INTS2: variants seen among roughly 807,000 people sequenced by gnomAD.
INTS2 encodes integrator complex subunit 2, also known as KIAA1287.
A neutral mutation model predicts 139.6 loss-of-function variants in INTS2; 57 were observed. That is an observed-to-expected ratio of 0.41 (90% confidence interval 0.33 to 0.51). The LOEUF is 0.51. INTS2 is among the 20% of genes least tolerant of loss of function. The probability of loss-of-function intolerance (pLI) is 0.28; values close to 1 mark genes in which losing one functional copy is unlikely to be tolerated. For synonymous variants in INTS2, 473 were observed against 493.4 expected (o/e 0.96, Z 0.55); for missense variants, 1,196 against 1,436.7 (o/e 0.83, Z 2.71).
At chr17:61,921,876 T>A in intron 3 of INTS2, 49 bp from the exon 4 acceptor site, 1 of 926,830 alleles carries the variant, frequency 1.1e-6, no homozygotes, top group Non-Finnish European at 1.7e-6. Context: ...TTCAGATAAT[T>A]AAATCCCTAT....
At chr17:61,892,597 G>T (rs935496931) in intron 13 of INTS2, among the ~76,000 whole-genome samples, 5 of 152,050 alleles carry the variant, frequency 3.3e-5, no homozygotes, top group Non-Finnish European at 7.4e-5. Flanking sequence ...TTCAAGACCA[G>T]ACCAGCCTGG....
rs1417403999 is a variant in INTS2, at chr17:61,868,351, G to C, written c.3245-342C>G. On this transcript the variant is annotated intron_variant, in intron 23 of 24. Coordinates refer to ENST00000251334, the MANE Select transcript of INTS2 (RefSeq NM_001351695.2). The surrounding 1 kb of genome is among the most constrained non-coding windows in gnomAD (Gnocchi z 4.7). ...GAAACTTGTTAAAGATCACAAGCCA[G>C]TTAGTGGTGGGGCTGAGATTGAATT... Among the ~76,000 whole-genome samples, 1 of 152,140 alleles carries C rather than the reference G, an allele frequency of 6.6e-6. No individual in the cohort carries two copies. Among genetic ancestry groups the C allele is most frequent in the East Asian group, 1.9e-4 (1 of 5,198 alleles).
intron 16 of INTS2, among the ~76,000 whole-genome samples, chr17:61,881,976 C>G (rs552275366): frequency 5.9e-5 from 9 of 152,256 alleles, no homozygotes; most frequent in African/African-American, 2.2e-4. Flanking sequence ...CATTTGGGGA[C>G]TATCATATAT....
At chr17:61,878,946 A>AC (rs1555621259) in intron 17 of INTS2, among the ~76,000 whole-genome samples, 1 of 150,226 alleles carries the variant, frequency 6.7e-6, no homozygotes, top group Admixed American at 6.6e-5. Context: ...AAAAAAAAAA[A>AC]AAAAAAAACA....
In INTS2 at chr17:61,872,744, T is replaced by C. The variant is rs1158688033; in HGVS notation, c.2583-284A>G. On this transcript the variant is annotated intron_variant, in intron 19 of 24. Transcript: ENST00000251334. The surrounding 1 kb of genome is among the most constrained non-coding windows in gnomAD (Gnocchi z 4.8). ...ATGACCGGGTGCGGGCAAAACAATATTGCATGAAGAAAAACTGTAATACAC... is the reference window on the plus strand; with the variant it reads ...ATGACCGGGTGCGGGCAAAACAATACTGCATGAAGAAAAACTGTAATACAC... 6.6e-6 allele frequency among the ~76,000 whole-genome samples: 1 copy of C among 152,134 alleles called. No homozygotes were observed. The highest frequency in any genetic ancestry group is 2.4e-5 in the African/African-American group (1 of 41,424).
At chr17:61,902,689 C>G (rs2079418717) in intron 9 of INTS2, among the ~76,000 whole-genome samples, 1 of 151,192 alleles carries the variant, frequency 6.6e-6, no homozygotes, top group South Asian at 2.1e-4. Context: ...GCCTGGGCAA[C>G]ACAGCGAAAC....
intron 15 of INTS2, among the ~76,000 whole-genome samples, chr17:61,887,746 G>A (rs546629462): frequency 6.6e-6 from 1 of 151,864 alleles, no homozygotes; most frequent in Admixed American, 6.6e-5. Context: ...CACAGAAAAT[G>A]TCAAAACATA....
In INTS2 at chr17:61,919,422, A is replaced by G. The variant is rs771101285; in HGVS notation, c.627T>C (p.Asn209=). ...TACCTTCATTAAAACTATCAGGAAC[A>G]TTGGCCACCAAGAGACACAAGAACC... ...GAWFLCLLVA[N]VPDSFNEVCR... Residue 209 remains asparagine (N), a synonymous_variant, in exon 5 of 25, where the codon AAT becomes AAC. Coordinates refer to ENST00000251334, the MANE Select transcript of INTS2 (RefSeq NM_001351695.2). 23 of 1,583,114 alleles carry G rather than the reference A, an allele frequency of 1.5e-5. No homozygotes were observed. Among genetic ancestry groups the G allele is most frequent in the East Asian group, 4.5e-5 (2 of 44,564 alleles).
At chr17:61,906,963 C>CAAAAAA (rs34773307) in intron 8 of INTS2, among the ~76,000 whole-genome samples, 10,144 of 80,026 alleles carry the variant, frequency 0.13, 1,292 homozygotes, top group East Asian at 0.43. Flanking sequence ...GATTCCATCT[C>CAAAAAA]AAAAAAAAAA....
chr17:61,885,063 A>C (rs1347333489), intron 15 of INTS2, 58 bp from the exon 16 acceptor site: 1 of 1,165,574 alleles, frequency 8.6e-7, no homozygotes, highest in Non-Finnish European at 1.2e-6. Flanking sequence ...AGAAATCTTA[A>C]CCTTCAACCC....
At chr17:61,878,125 G>T in intron 17 of INTS2, 37 bp from the exon 18 acceptor site, 1 of 1,301,046 alleles carries the variant, frequency 7.7e-7, no homozygotes, top group Non-Finnish European at 1.1e-6. Flanking sequence ...CCTAAATTCT[G>T]TACAGTTTAT....
chr17:61,920,111 T>C (rs2079623614), intron 4 of INTS2, among the ~76,000 whole-genome samples: 2 of 151,156 alleles, frequency 1.3e-5, no homozygotes, highest in South Asian at 4.2e-4. Context: ...CAGCATAGCA[T>C]AGAACAGTAC....
intron 11 of INTS2, among the ~76,000 whole-genome samples, chr17:61,896,612 T>G (rs1479251418): frequency 1.3e-5 from 2 of 152,106 alleles, no homozygotes; most frequent in African/African-American, 4.8e-5. Flanking sequence ...ACAGGAAAAT[T>G]AGGATACTGA....
At chr17:61,916,430 T>A (rs778025892) in intron 5 of INTS2, among the ~76,000 whole-genome samples, 3 of 151,854 alleles carry the variant, frequency 2.0e-5, no homozygotes, top group Non-Finnish European at 2.9e-5. Context: ...AACAAAAAAT[T>A]AATAAATAAA....
intron 5 of INTS2, 56 bp downstream of exon 5, chr17:61,919,344 G>A: frequency 2.4e-6 from 2 of 819,274 alleles, no homozygotes; most frequent in Non-Finnish European, 4.1e-6. Context: ...AAAAAGATAG[G>A]TCCTGTACAT....
rs930919406 is a variant in INTS2, at chr17:61,871,277, C to T, written c.2778+988G>A. 9.9e-5 allele frequency among the ~76,000 whole-genome samples: 15 copies of T among 152,128 alleles called. No individual in the cohort carries two copies. Among genetic ancestry groups the T allele is most frequent in the South Asian group, 4.2e-4 (2 of 4,810 alleles). On this transcript the variant is annotated intron_variant, in intron 20 of 24. Transcript: ENST00000251334. This position sits in a 1 kb window ranked among gnomAD's most constrained non-coding sequence, Gnocchi z 4.9. Reference sequence around the variant, plus strand: ...CTGGGACTACAGGTTTGGGCCACCACGCCCGGCTAATTTTTGTATTTTTAG... The same window carrying T: ...CTGGGACTACAGGTTTGGGCCACCATGCCCGGCTAATTTTTGTATTTTTAG...
chr17:61,898,171 G>A (rs1294523999), intron 9 of INTS2, among the ~76,000 whole-genome samples: 4 of 151,978 alleles, frequency 2.6e-5, no homozygotes, highest in East Asian at 3.8e-4. Context: ...TCCATCTTCT[G>A]GAAAAATGAA....
At position 61,873,199 on chromosome 17, in the gene INTS2, C is replaced by T. The variant is rs942412821; in HGVS notation, c.2583-739G>A. Among the ~76,000 whole-genome samples, 4 of 151,994 alleles carry T rather than the reference C, an allele frequency of 2.6e-5. No homozygotes were observed. In the South Asian group the frequency reaches 6.2e-4, roughly 24 times the overall value. ...CTAGGGGATTGGGTTAAGCATAGCT[C>T]TATAAAATGGAATACCATATAGCCA... On this transcript the variant is annotated intron_variant, in intron 19 of 24. Coordinates refer to ENST00000251334, the MANE Select transcript of INTS2 (RefSeq NM_001351695.2). This position sits in a 1 kb window ranked among gnomAD's most constrained non-coding sequence, Gnocchi z 4.0.
chr17:61,867,426 GTTGAA>G lies in INTS2; in HGVS notation c.*126_*130del, dbSNP rs1432841369. On this transcript the variant is annotated 3_prime_UTR_variant, in exon 25 of 25. Transcript: ENST00000251334. This position sits in a 1 kb window ranked among gnomAD's most constrained non-coding sequence, Gnocchi z 5.6. ...TCATAAAGTTCTAAACTATACTCAT[GTTGAA>G]TTGAATTGTTTTAGTGATTCCAAGA... The G allele has an allele frequency of 1.8e-6, 1 of 548,366 alleles. No individual in the cohort carries two copies. The highest frequency in any genetic ancestry group is 1.9e-5 in the African/African-American group (1 of 52,836). 34.0% of individuals were successfully genotyped at this position (548,366 alleles called of 1,614,324 possible).
Sources: gnomAD v4.1 joint callset for allele counts (sites outside exome capture counted in the v4.1 genomes callset) on GRCh38, gnomAD v4.1.1 for gene constraint, Gnocchi (gnomAD v3.1) non-coding constraint, MANE v1.5 for transcripts, NCBI Gene and HGNC (gene_info 2026-07-23, HGNC 2026-07-21) for gene names.